FRMD5: variants seen among roughly 807,000 people sequenced by gnomAD.
FRMD5 encodes FERM domain containing 5.
In FRMD5, 20 loss-of-function variants were observed where a neutral mutation model predicts 69.0. The ratio of observed to expected loss-of-function variants is 0.29; its 90% CI spans 0.20 to 0.42. The LOEUF is 0.42. FRMD5 is among the 10% of genes least tolerant of loss of function. The probability of loss-of-function intolerance (pLI) is 1.00; values close to 1 mark genes in which losing one functional copy is unlikely to be tolerated. For synonymous variants in FRMD5, 271 were observed against 260.1 expected, an observed-to-expected ratio of 1.04 and a Z score of -0.40; for missense variants, 595 against 708.6, an observed-to-expected ratio of 0.84 and a Z score of 1.82.
chr15:44,023,626 A>G (rs980992685), intron 1 of FRMD5, among the ~76,000 whole-genome samples: 5 of 152,214 alleles, frequency 3.3e-5, no homozygotes, highest in African/African-American at 1.2e-4. Flanking sequence ...TTTTAAAGTA[A>G]ATTGGACTTG....
chr15:44,030,941 C>T (rs920314754), intron 1 of FRMD5, among the ~76,000 whole-genome samples: 26 of 149,030 alleles, frequency 1.7e-4, no homozygotes, highest in African/African-American at 6.2e-4. Context: ...AAGAATTTGC[C>T]GAAGCAGGTT....
rs575125467 is a variant in FRMD5 at position 43,873,085 on chromosome 15, GA to G, written c.*799del. 5.6e-3 allele frequency: 6,653 copies of G among 1,187,950 alleles called. 20 individuals carry two copies. The highest frequency in any genetic ancestry group is 7.0e-3 in the Non-Finnish European group (5,957 of 851,198). The allele number at this position is 1,187,950 out of a possible 1,614,324, so 73.6% of individuals were successfully genotyped here. On this transcript the variant is annotated 3_prime_UTR_variant, in exon 14 of 14. Coordinates refer to ENST00000417257, the MANE Select transcript of FRMD5 (RefSeq NM_032892.5). ...ACTATAAAAGTCTTGAGGTTCTTCG[GA>G]AAAAAAAAATCACGTTAAGTCTAGT...
At chr15:43,969,425 A>ACATT (rs1017800052) in intron 1 of FRMD5, among the ~76,000 whole-genome samples, 2 of 152,166 alleles carry the variant, frequency 1.3e-5, no homozygotes, top group African/African-American at 2.4e-5. Flanking sequence ...ACAGCCATGC[A>ACATT]CATTCATTCA....
intron 1 of FRMD5, among the ~76,000 whole-genome samples, chr15:44,080,133 A>C (rs1006666167): frequency 6.6e-6 from 1 of 152,138 alleles, no homozygotes; most frequent in Non-Finnish European, 1.5e-5. Context: ...AACTAAAAAA[A>C]GTGAAGCATG....
At chr15:44,054,049 A>G (rs1472710840) in intron 1 of FRMD5, among the ~76,000 whole-genome samples, 1 of 152,220 alleles carries the variant, frequency 6.6e-6, no homozygotes, top group Non-Finnish European at 1.5e-5. Context: ...GAAATTGTGC[A>G]TTTTATAAAA....
At chr15:44,107,625 T>C (rs973081251) in intron 1 of FRMD5, among the ~76,000 whole-genome samples, 1 of 152,196 alleles carries the variant, frequency 6.6e-6, no homozygotes, top group African/African-American at 2.4e-5. Flanking sequence ...TGAAGCTGCA[T>C]GATTGGAATT....
At chr15:44,171,378 G>T (rs1220757115) in intron 1 of FRMD5, among the ~76,000 whole-genome samples, 1 of 152,172 alleles carries the variant, frequency 6.6e-6, no homozygotes, top group Non-Finnish European at 1.5e-5. Flanking sequence ...CAATTTGCTA[G>T]TTATGAATCT....
At chr15:44,024,759 G>C (rs1891358364) in intron 1 of FRMD5, among the ~76,000 whole-genome samples, 1 of 152,104 alleles carries the variant, frequency 6.6e-6, no homozygotes, top group East Asian at 1.9e-4. Context: ...TTTGTTTATA[G>C]TAAGCATGGG....
intron 1 of FRMD5, among the ~76,000 whole-genome samples, chr15:44,120,185 C>T (rs1242738784): frequency 6.6e-6 from 1 of 151,968 alleles, no homozygotes. Context: ...ATTAAAGTAT[C>T]CCAAGAAGAA....
chr15:43,996,637 C>T (rs1889937072), intron 1 of FRMD5, among the ~76,000 whole-genome samples: 1 of 149,264 alleles, frequency 6.7e-6, no homozygotes, highest in Non-Finnish European at 1.5e-5. Flanking sequence ...TTCAAACCCT[C>T]AGTTTCTCTC....
At chr15:44,156,231 C>T (rs1025701948) in intron 1 of FRMD5, among the ~76,000 whole-genome samples, 9 of 152,086 alleles carry the variant, frequency 5.9e-5, no homozygotes, top group African/African-American at 2.2e-4. Flanking sequence ...GCAACCTCTG[C>T]TTCCCAGGTT....
intron 1 of FRMD5, among the ~76,000 whole-genome samples, chr15:43,977,543 T>G (rs970102751): frequency 6.6e-6 from 1 of 152,114 alleles, no homozygotes; most frequent in East Asian, 1.9e-4. Context: ...TCTGAGCAAC[T>G]GAGGTTACTC....
chr15:44,128,838 A>G (rs138437553), intron 1 of FRMD5, among the ~76,000 whole-genome samples: 1 of 152,264 alleles, frequency 6.6e-6, no homozygotes, highest in East Asian at 1.9e-4. Context: ...AGGAGCTAAA[A>G]AAAAGAAAAA....
At chr15:44,013,899 C>T (rs1310186398) in intron 1 of FRMD5, among the ~76,000 whole-genome samples, 1 of 149,406 alleles carries the variant, frequency 6.7e-6, no homozygotes, top group Non-Finnish European at 1.5e-5. Flanking sequence ...CTCTGTTGCC[C>T]AGGCTGGAGT....
intron 1 of FRMD5, among the ~76,000 whole-genome samples, chr15:44,116,094 A>G (rs575100811): frequency 6.6e-6 from 1 of 152,176 alleles, no homozygotes; most frequent in South Asian, 2.1e-4. Flanking sequence ...AATGCTAACC[A>G]GGGGAAGGAG....
At chr15:43,910,073 G>C (rs1280444882) in intron 4 of FRMD5, 94 bp from the exon 5 acceptor site, 1 of 660,802 alleles carries the variant, frequency 1.5e-6, no homozygotes. Flanking sequence ...TCTTTGTCAG[G>C]ATACTTTTAC....
At chr15:44,144,708 T>G (rs1436182906) in intron 1 of FRMD5, among the ~76,000 whole-genome samples, 1 of 152,218 alleles carries the variant, frequency 6.6e-6, no homozygotes. Context: ...ACTTGCATAA[T>G]TCATAAATAT....
At chr15:44,029,902 A>C (rs938108620) in intron 1 of FRMD5, among the ~76,000 whole-genome samples, 14 of 152,242 alleles carry the variant, frequency 9.2e-5, no homozygotes, top group Non-Finnish European at 2.1e-4. Context: ...GTAAACACTG[A>C]AAGAACTTAT....
At chr15:44,098,539 AGAG>A (rs1416868373) in intron 1 of FRMD5, among the ~76,000 whole-genome samples, 1 of 41,118 alleles carries the variant, frequency 2.4e-5, no homozygotes, top group Non-Finnish European at 1.3e-4. Flanking sequence ...AAAAAAAAAA[AGAG>A]AGAGAGAGAC....
Sources: gnomAD v4.1 joint callset for allele counts (sites outside exome capture counted in the v4.1 genomes callset) on GRCh38, gnomAD v4.1.1 for gene constraint, MANE v1.5 for transcripts, NCBI Gene and HGNC (gene_info 2026-07-23, HGNC 2026-07-21) for gene names.